Variants in ANKRD45 observed in about 807,000 individuals in gnomAD.
The protein encoded by ANKRD45 is ankyrin repeat domain-containing protein 45.
ANKRD45 carries 21 observed loss-of-function variants against 28.1 expected under a neutral mutation model. The ratio of observed to expected loss-of-function variants is 0.75; its 90% confidence interval spans 0.53 to 1.08. The LOEUF is 1.08. Ranked by LOEUF, ANKRD45 falls within the 50% of genes least tolerant of loss-of-function variation. ANKRD45 has a pLI of 0.00. For synonymous variants in ANKRD45, 86 were observed against 103.9 expected (o/e 0.83, Z 1.05); for missense variants, 261 against 308.7 (o/e 0.85, Z 1.16).
At chr1:173,650,737 C>T (rs941380726) in intron 2 of ANKRD45, among the ~76,000 whole-genome samples, 1 of 152,226 alleles carries the variant, frequency 6.6e-6, no homozygotes, top group Non-Finnish European at 1.5e-5. Flanking sequence ...TCCTATTTCT[C>T]CACATCCTCT....
chr1:173,643,069 T>C (rs1158275442), intron 3 of ANKRD45, among the ~76,000 whole-genome samples: 3 of 152,190 alleles, frequency 2.0e-5, no homozygotes, highest in Non-Finnish European at 2.9e-5. Context: ...AAGTGTTTTG[T>C]TATTTTTAAT....
chr1:173,638,197 G>A (rs111509331), intron 3 of ANKRD45, among the ~76,000 whole-genome samples: 4 of 152,054 alleles, frequency 2.6e-5, no homozygotes, highest in Non-Finnish European at 5.9e-5. Flanking sequence ...GGGAAAAGGA[G>A]GAAGGTTAAC....
At chr1:173,672,203 G>A (rs1411249749), upstream of ANKRD45, among the ~76,000 whole-genome samples, 2 of 152,126 alleles carry the variant, frequency 1.3e-5, no homozygotes, top group Non-Finnish European at 2.9e-5. Context: ...AATTTTTCAT[G>A]TTCAAATAAG....
intron 5 of ANKRD45, among the ~76,000 whole-genome samples, chr1:173,618,952 C>T (rs896636994): frequency 6.6e-6 from 1 of 152,140 alleles, no homozygotes; most frequent in Non-Finnish European, 1.5e-5. Context: ...CGTGGAAACC[C>T]TAAAACCAGA....
chr1:173,702,679 G>A, the ANKRD45 span, among the ~76,000 whole-genome samples: 1 of 151,320 alleles, frequency 6.6e-6, no homozygotes, highest in Admixed American at 6.6e-5. Flanking sequence ...GCAGTCTGCT[G>A]GCTTGCTGGC....
chr1:173,676,773 C>T, the ANKRD45 span, among the ~76,000 whole-genome samples: 1 of 145,974 alleles, frequency 6.9e-6, no homozygotes, highest in East Asian at 2.0e-4. Context: ...TGATAACATA[C>T]ACTAATTCAT....
chr1:173,687,803 T>C, the ANKRD45 span, among the ~76,000 whole-genome samples: 3 of 152,136 alleles, frequency 2.0e-5, no homozygotes, highest in Non-Finnish European at 4.4e-5. Context: ...AAGAGTTTCC[T>C]TATCACTTAC....
intron 3 of ANKRD45, among the ~76,000 whole-genome samples, chr1:173,637,326 C>T (rs1421302379): frequency 6.6e-6 from 1 of 152,192 alleles, no homozygotes; most frequent in Non-Finnish European, 1.5e-5. Context: ...AGTAACCTCT[C>T]TTAGAAGCAA....
the ANKRD45 span, among the ~76,000 whole-genome samples, chr1:173,711,793 A>G: frequency 6.6e-6 from 1 of 152,210 alleles, no homozygotes; most frequent in Non-Finnish European, 1.5e-5. Context: ...GGAGTTCTCT[A>G]GGTCTTGACA....
chr1:173,641,034 G>C (rs1477926271), intron 3 of ANKRD45, among the ~76,000 whole-genome samples: 1 of 152,148 alleles, frequency 6.6e-6, no homozygotes, highest in Admixed American at 6.5e-5. Flanking sequence ...GCATTTTTGA[G>C]ATATGCATTA....
At chr1:173,651,284 G>A (rs1669205912) in intron 2 of ANKRD45, among the ~76,000 whole-genome samples, 2 of 152,146 alleles carry the variant, frequency 1.3e-5, no homozygotes, top group Admixed American at 6.6e-5. Context: ...GTGTAAGGAA[G>A]GGATGCAGTT....
chr1:173,655,209 G>C (rs886801877), intron 2 of ANKRD45, among the ~76,000 whole-genome samples: 1 of 115,076 alleles, frequency 8.7e-6, no homozygotes, highest in African/African-American at 1.4e-4. Context: ...TTTTCTGCTC[G>C]GTTTCTCCCC....
the ANKRD45 span, among the ~76,000 whole-genome samples, chr1:173,688,602 C>CT: frequency 6.7e-6 from 1 of 148,632 alleles, no homozygotes. Flanking sequence ...CTCTCTGCCT[C>CT]TTCCTCTCTC....
At chr1:173,641,206 A>G (rs1268641369) in intron 3 of ANKRD45, among the ~76,000 whole-genome samples, 1 of 152,148 alleles carries the variant, frequency 6.6e-6, no homozygotes, top group Non-Finnish European at 1.5e-5. Context: ...CCTGGCTGAA[A>G]TCGATTAAAT....
chr1:173,713,165 T>A, the ANKRD45 span, among the ~76,000 whole-genome samples: 2 of 152,196 alleles, frequency 1.3e-5, no homozygotes, highest in Non-Finnish European at 2.9e-5. Context: ...GCAGTAAAAA[T>A]TTTCAATAAG....
chr1:173,658,836 A>G (rs994798084), intron 2 of ANKRD45: 33 of 359,434 alleles, frequency 9.2e-5, no homozygotes, highest in African/African-American at 6.5e-4. Context: ...GGAAAAACAG[A>G]TACACAAAAA....
chr1:173,666,761 A>AT (rs894289588), intron 1 of ANKRD45, among the ~76,000 whole-genome samples: 3 of 150,358 alleles, frequency 2.0e-5, no homozygotes, highest in African/African-American at 4.9e-5. Context: ...TTTAAAAAAA[A>AT]TTTTTTTTTT....
In ANKRD45 at chr1:173,608,420, T is replaced by A. The variant is rs2102301223; in HGVS notation, c.*1725A>T. 6.6e-6 allele frequency among the ~76,000 whole-genome samples: 1 copy of A among 152,176 alleles called. No individual in the cohort carries two copies. The highest frequency in any genetic ancestry group is 6.5e-5 in the Admixed American group (1 of 15,296). ...GCAACCTCCACCTCCCGGGCTCAGG[T>A]GATTCTCCTGCCTCAGCCTCCCAAG... On this transcript the variant is annotated 3_prime_UTR_variant, in exon 6 of 6. Coordinates refer to ENST00000333279, the MANE Select transcript of ANKRD45 (RefSeq NM_198493.3).
intron 5 of ANKRD45, among the ~76,000 whole-genome samples, chr1:173,624,492 GA>G (rs79337715): frequency 0.31 from 40,938 of 131,934 alleles, 8,224 homozygotes; most frequent in African/African-American, 0.6. Context: ...GCCTCCGGGG[GA>G]AAAAAAAAAA....
Sources: gnomAD v4.1 joint callset for allele counts (sites outside exome capture counted in the v4.1 genomes callset) on GRCh38, gnomAD v4.1.1 for gene constraint, MANE v1.5 for transcripts, NCBI Gene and HGNC (gene_info 2026-07-23, HGNC 2026-07-21) for gene names.